The following ANKS1B variants were observed in gnomAD, a reference collection of about 807,000 sequenced individuals.
The protein encoded by ANKS1B is ankyrin repeat and sterile alpha motif domain-containing protein 1B.
In ANKS1B, 36 loss-of-function variants were observed where a neutral mutation model predicts 148.3. That is an observed-to-expected ratio of 0.24 (90% CI 0.19 to 0.32). The LOEUF (loss-of-function observed/expected upper bound fraction) is 0.32. Among genes scored for constraint, ANKS1B ranks in the 10% least tolerant of loss-of-function variants. ANKS1B has a pLI of 1.00. For missense variants in ANKS1B, 1,157 were observed against 1,542.6 expected (o/e 0.75, Z 4.19); for synonymous variants, 542 against 560.8 (o/e 0.97, Z 0.47).
At chr12:98,816,573 T>A (rs139285627) in intron 19 of ANKS1B, among the ~76,000 whole-genome samples, 3 of 152,322 alleles carry the variant, frequency 2.0e-5, no homozygotes, top group African/African-American at 7.2e-5. Flanking sequence ...ATTACAGGTG[T>A]GAGCCACTGC....
At chr12:99,034,638 T>C (rs893181238) in intron 17 of ANKS1B, among the ~76,000 whole-genome samples, 1 of 152,144 alleles carries the variant, frequency 6.6e-6, no homozygotes, top group Admixed American at 6.5e-5. Flanking sequence ...CGAGGAGTCA[T>C]GGAGTCTTAT....
chr12:99,844,796 A>G (rs2086360909), intron 1 of ANKS1B, among the ~76,000 whole-genome samples: 1 of 152,104 alleles, frequency 6.6e-6, no homozygotes, highest in African/African-American at 2.4e-5. Context: ...GTTTAATAGG[A>G]ATGGCATTGA....
At chr12:99,605,052 G>T (rs1201919169) in intron 9 of ANKS1B, among the ~76,000 whole-genome samples, 1 of 151,820 alleles carries the variant, frequency 6.6e-6, no homozygotes, top group Non-Finnish European at 1.5e-5. Flanking sequence ...AATACTCCAA[G>T]AAACTTTTGT....
intron 8 of ANKS1B, among the ~76,000 whole-genome samples, chr12:99,666,480 A>G (rs958947803): frequency 6.6e-6 from 1 of 152,152 alleles, no homozygotes; most frequent in Non-Finnish European, 1.5e-5. Context: ...ATATTTTTAT[A>G]GTCTTCAGTG....
intron 26 of ANKS1B, among the ~76,000 whole-genome samples, chr12:98,750,528 C>T (rs547251706): frequency 3.5e-4 from 54 of 152,126 alleles, no homozygotes; most frequent in African/African-American, 1.3e-3. Context: ...GAGGTGGGGG[C>T]TGGTGAGAAG....
intron 10 of ANKS1B, among the ~76,000 whole-genome samples, chr12:99,472,612 G>A (rs1411099260): frequency 6.6e-6 from 1 of 151,978 alleles, no homozygotes; most frequent in Non-Finnish European, 1.5e-5. Context: ...CATATCCTTT[G>A]ATTACCTTAT....
chr12:99,202,727 CAACA>C (rs1236121208), intron 14 of ANKS1B, among the ~76,000 whole-genome samples: 4 of 152,282 alleles, frequency 2.6e-5, no homozygotes, highest in African/African-American at 9.6e-5. Context: ...CAACCTAAAA[CAACA>C]AACACTTTAT....
chr12:99,383,514 T>C (rs1429797398), intron 12 of ANKS1B, among the ~76,000 whole-genome samples: 1 of 152,218 alleles, frequency 6.6e-6, no homozygotes, highest in Non-Finnish European at 1.5e-5. Flanking sequence ...TTCTCACTTA[T>C]ATCTTTGCCA....
At chr12:99,370,948 G>A (rs1043272035) in intron 12 of ANKS1B, among the ~76,000 whole-genome samples, 2 of 152,096 alleles carry the variant, frequency 1.3e-5, no homozygotes, top group Non-Finnish European at 2.9e-5. Flanking sequence ...AAGACAAACT[G>A]GGTTTCATAT....
chr12:99,388,105 G>A (rs189420203), intron 12 of ANKS1B, among the ~76,000 whole-genome samples: 5 of 152,016 alleles, frequency 3.3e-5, no homozygotes, highest in African/African-American at 9.6e-5. Flanking sequence ...CTTAAACAGC[G>A]GAATGGCATG....
At chr12:98,747,304 T>G (rs1318952403) in intron 26 of ANKS1B, among the ~76,000 whole-genome samples, 1 of 152,132 alleles carries the variant, frequency 6.6e-6, no homozygotes, top group African/African-American at 2.4e-5. Flanking sequence ...GAACAGGCAT[T>G]TCTAAAAAGA....
chr12:99,736,685 A>G (rs2059645532), intron 8 of ANKS1B, among the ~76,000 whole-genome samples: 2 of 152,206 alleles, frequency 1.3e-5, no homozygotes, highest in South Asian at 2.1e-4. Context: ...AAAAACAAAA[A>G]TAGACAAATG....
At chr12:98,924,987 G>T (rs770998303) in intron 17 of ANKS1B, among the ~76,000 whole-genome samples, 2 of 152,058 alleles carry the variant, frequency 1.3e-5, no homozygotes, top group Non-Finnish European at 2.9e-5. Context: ...GACGGGATAA[G>T]GAGACAAAAA....
At chr12:99,650,653 T>C (rs1467904183) in intron 9 of ANKS1B, among the ~76,000 whole-genome samples, 1 of 152,194 alleles carries the variant, frequency 6.6e-6, no homozygotes, top group Non-Finnish European at 1.5e-5. Flanking sequence ...CATGAATTTG[T>C]AGAAATTTCA....
chr12:99,845,877 T>C (rs2086587651), intron 1 of ANKS1B, among the ~76,000 whole-genome samples: 1 of 152,148 alleles, frequency 6.6e-6, no homozygotes, highest in Non-Finnish European at 1.5e-5. Context: ...GGCTATTTAT[T>C]ACTGCCTCAA....
chr12:99,178,288 T>C (rs1337766271), intron 14 of ANKS1B, among the ~76,000 whole-genome samples: 2 of 152,206 alleles, frequency 1.3e-5, no homozygotes, highest in African/African-American at 4.8e-5. Flanking sequence ...CTGTAGGCCA[T>C]TTGGACTCTT....
At chr12:99,503,312 C>T (rs913520555) in intron 10 of ANKS1B, among the ~76,000 whole-genome samples, 4 of 152,124 alleles carry the variant, frequency 2.6e-5, no homozygotes, top group African/African-American at 9.7e-5. Context: ...TTACTTTCGG[C>T]CAATAACCTT....
intron 8 of ANKS1B, among the ~76,000 whole-genome samples, chr12:99,721,230 T>C (rs1474334786): frequency 1.3e-5 from 2 of 152,074 alleles, no homozygotes; most frequent in African/African-American, 4.8e-5. Context: ...CTGAGAAACA[T>C]CGCCCGTTAT....
intron 1 of ANKS1B, among the ~76,000 whole-genome samples, chr12:99,960,225 G>A (rs956258020): frequency 1.3e-5 from 2 of 152,202 alleles, no homozygotes; most frequent in Admixed American, 1.3e-4. Flanking sequence ...TAAAAGCCAA[G>A]GGTGGCAACG....
Sources: gnomAD v4.1 joint callset for allele counts (sites outside exome capture counted in the v4.1 genomes callset) on GRCh38, gnomAD v4.1.1 for gene constraint, MANE v1.5 for transcripts, NCBI Gene and HGNC (gene_info 2026-07-23, HGNC 2026-07-21) for gene names.